Variants in NF2 observed in about 807,000 individuals in gnomAD.
The protein encoded by NF2 is NF2, moesin-ezrin-radixin like (MERLIN) tumor suppressor.
A neutral mutation model predicts 83.7 loss-of-function variants in NF2; 8 were observed. The ratio of observed to expected loss-of-function variants is 0.10; its 90% CI spans 0.06 to 0.17. The LOEUF is 0.17. Ranked by LOEUF, NF2 falls within the 10% of genes least tolerant of loss-of-function variation. The pLI, the probability that NF2 is intolerant of heterozygous loss-of-function variation, is 1.00. For missense variants in NF2, 533 were observed against 744.4 expected (o/e 0.72, Z 3.31); for synonymous variants, 266 against 269.6 (o/e 0.99, Z 0.13).
At chr22:29,681,094 T>C (rs2147120686) in intron 14 of NF2, among the ~76,000 whole-genome samples, 1 of 151,990 alleles carries the variant, frequency 6.6e-6, no homozygotes, top group East Asian at 1.9e-4. Context: ...TCTTGCTATG[T>C]TTCCCAAGCT....
At chr22:29,678,514 C>A (rs1449930358) in intron 14 of NF2, among the ~76,000 whole-genome samples, 191 bp downstream of exon 14, 1 of 152,304 alleles carries the variant, frequency 6.6e-6, no homozygotes, top group East Asian at 1.9e-4. Context: ...GATCAGCATT[C>A]ATTCTGAACG....
At chr22:29,653,432 A>C (rs1035322724) in intron 4 of NF2, among the ~76,000 whole-genome samples, 1 of 141,648 alleles carries the variant, frequency 7.1e-6, no homozygotes, top group Non-Finnish European at 1.5e-5. Flanking sequence ...TGACAGAGCG[A>C]GACTCTGTCT....
At chr22:29,614,560 C>A (rs568608596) in intron 1 of NF2, among the ~76,000 whole-genome samples, 1 of 133,378 alleles carries the variant, frequency 7.5e-6, no homozygotes, top group Non-Finnish European at 1.5e-5. Context: ...CCGGCCTGGG[C>A]GACAGAGGGA....
At position 29,668,395 on chromosome 22, in the gene NF2, G is replaced by T. The variant is rs373606097; in HGVS notation, c.948G>T (p.Leu316Phe). The change falls in exon 10 of 16, where the codon TTG becomes TTT. Residue 316 changes from leucine (L) to phenylalanine (F), a missense_variant. This residue lies in a region of NF2 where 326 missense variants were observed against 475.1 expected (regional missense o/e 0.69). Transcript: ENST00000338641. ...LFMRRRKADSLEVQQMKAQAR... is the reference protein window; with the variant it reads ...LFMRRRKADSFEVQQMKAQAR... ...TGAGGAGAAGGAAAGCCGATTCTTT[G>T]GAAGTTCAGCAGATGAAAGCCCAGG... 6.2e-7 allele frequency: 1 copy of T among 1,613,876 alleles called. No individual in the cohort carries two copies. Among genetic ancestry groups the T allele is most frequent in the Non-Finnish European group, 8.5e-7 (1 of 1,179,900 alleles).
At chr22:29,635,246 G>C (rs182418721) in intron 1 of NF2, among the ~76,000 whole-genome samples, 24 of 152,212 alleles carry the variant, frequency 1.6e-4, no homozygotes, top group Admixed American at 1.1e-3. Flanking sequence ...TGTAGAATCA[G>C]GTTTTAGCAA....
chr22:29,657,987 G>A (rs1306166770), intron 6 of NF2, among the ~76,000 whole-genome samples: 3 of 152,198 alleles, frequency 2.0e-5, no homozygotes, highest in African/African-American at 7.2e-5. Flanking sequence ...TTTTGATGGG[G>A]ATGGGAAATT....
chr22:29,649,147 A>G (rs2066069392), intron 4 of NF2, among the ~76,000 whole-genome samples: 1 of 150,728 alleles, frequency 6.6e-6, no homozygotes, highest in Non-Finnish European at 1.5e-5. Flanking sequence ...ATGTGAAGCA[A>G]AAAAAAAAGC....
chr22:29,686,264 G>A (rs2067268787), intron 15 of NF2, among the ~76,000 whole-genome samples: 2 of 152,236 alleles, frequency 1.3e-5, no homozygotes, highest in African/African-American at 2.4e-5. Flanking sequence ...GGGCCACACC[G>A]CCACATCTAG....
chr22:29,648,735 G>C (rs1439349419), intron 4 of NF2, among the ~76,000 whole-genome samples: 2 of 152,188 alleles, frequency 1.3e-5, no homozygotes, highest in Non-Finnish European at 2.9e-5. Flanking sequence ...TCCCACCTCA[G>C]CCTCAGCGTA....
In NF2 at chr22:29,628,324, G is replaced by A. The variant is rs534486078; in HGVS notation, c.115-8427G>A. ...TATGTGGCATTGGGGGACATGGACAGCAGGGAGACAAAGGGATAGATCTTA... is the reference window on the plus strand; with the variant it reads ...TATGTGGCATTGGGGGACATGGACAACAGGGAGACAAAGGGATAGATCTTA... On this transcript the variant is annotated intron_variant, in intron 1 of 15. Transcript: ENST00000338641. Among the ~76,000 whole-genome samples the A allele has an allele frequency of 4.9e-4, 74 of 152,260 alleles. 1 individual carries two copies. In the South Asian group the frequency reaches 0.015, roughly 30 times the overall value.
At chr22:29,675,722 C>T (rs2066942021) in intron 13 of NF2, among the ~76,000 whole-genome samples, 1 of 152,068 alleles carries the variant, frequency 6.6e-6, no homozygotes, top group South Asian at 2.1e-4. Context: ...ATGGCCCAGA[C>T]TCACACACAG....
At chr22:29,649,748 TAAAATA>T (rs1288558866) in intron 4 of NF2, among the ~76,000 whole-genome samples, 3 of 76,146 alleles carry the variant, frequency 3.9e-5, no homozygotes, top group Admixed American at 2.4e-4. Flanking sequence ...GTCTGAAAAA[TAAAATA>T]AAAATAAAAA....
rs2147122478 is a variant in NF2, at chr22:29,681,463, G to A, written c.1599G>A (p.Lys533=). ...KEKVEYMEKS[K]HLQEQLNELK... is the part of the protein sequence containing the mutation. ...GAGTGGAATACATGGAAAAGAGCAA[G>A]CATCTGCAGGAGCAGCTCAATGAAC... Residue 533 remains lysine, a synonymous_variant, in exon 15 of 16, where the codon AAG becomes AAA. Coordinates refer to ENST00000338641, the MANE Select transcript of NF2 (RefSeq NM_000268.4). 1.2e-6 allele frequency: 2 copies of A among 1,614,160 alleles called. No individual in the cohort carries two copies. Among genetic ancestry groups the A allele is most frequent in the Non-Finnish European group, 1.7e-6 (2 of 1,180,032 alleles).
At chr22:29,682,885 TC>T (rs766585134) in intron 15 of NF2, 100 of 1,048,724 alleles carry the variant, frequency 9.5e-5, no homozygotes, top group Non-Finnish European at 1.3e-4. Flanking sequence ...GAGACCCCGT[TC>T]CAAGCCATTA....
intron 14 of NF2, among the ~76,000 whole-genome samples, chr22:29,680,367 C>T (rs2067094488): frequency 6.6e-6 from 1 of 152,228 alleles, no homozygotes; most frequent in Non-Finnish European, 1.5e-5. Context: ...ACCTTGGCCT[C>T]CCAAAGTGTT....
intron 1 of NF2, among the ~76,000 whole-genome samples, chr22:29,612,631 C>T (rs1232440435): frequency 2.6e-5 from 4 of 151,852 alleles, no homozygotes; most frequent in Non-Finnish European, 5.9e-5. Flanking sequence ...GCCACCGTGC[C>T]TGGCCTGTAA....
chr22:29,694,907 C>T lies in NF2; in HGVS notation c.*105C>T. 5.8e-6 allele frequency: 7 copies of T among 1,215,774 alleles called. No individual in the cohort carries two copies. The East Asian group carries it at 1.0e-4, about 18-fold the overall frequency. The allele number at this position is 1,215,774 out of a possible 1,614,324, so 75.3% of individuals were successfully genotyped here. On this transcript the variant is annotated 3_prime_UTR_variant, in exon 16 of 16. Coordinates refer to ENST00000338641, the MANE Select transcript of NF2 (RefSeq NM_000268.4). The surrounding 1 kb of genome is among the most constrained non-coding windows in gnomAD (Gnocchi z 4.1). ...TCCATAGGGAGCTGGCTGGGGGTTT[C>T]CGTGGGAGCTCCAGAACTTTCCCCA...
chr22:29,642,579 CT>C (rs1227741105), intron 4 of NF2, among the ~76,000 whole-genome samples: 1 of 151,682 alleles, frequency 6.6e-6, no homozygotes, highest in East Asian at 1.9e-4. Context: ...GATGAATTTC[CT>C]GTGTAATCTC....
intron 4 of NF2, among the ~76,000 whole-genome samples, chr22:29,649,425 G>A (rs1362028397): frequency 1.3e-5 from 2 of 152,210 alleles, no homozygotes; most frequent in East Asian, 3.8e-4. Context: ...ACTTGGCCGG[G>A]TGCGGTGGCT....
Sources: gnomAD v4.1 joint callset for allele counts (sites outside exome capture counted in the v4.1 genomes callset) on GRCh38, gnomAD v4.1.1 for gene constraint, gnomAD v4.1.1 regional missense constraint, Gnocchi (gnomAD v3.1) non-coding constraint, MANE v1.5 for transcripts, NCBI Gene and HGNC (gene_info 2026-07-23, HGNC 2026-07-21) for gene names.